Variants in KSR1 observed in about 807,000 individuals in gnomAD.
The protein encoded by KSR1 is kinase suppressor of ras.
A neutral mutation model predicts 92.9 loss-of-function variants in KSR1; 35 were observed. The observed-to-expected ratio is 0.38, with a 90% CI of 0.29 to 0.50. The LOEUF (loss-of-function observed/expected upper bound fraction) is 0.50, where lower values mean the gene tolerates loss of function less well. Ranked by LOEUF, KSR1 falls within the 20% of genes least tolerant of loss-of-function variation. The pLI is 0.94. For missense variants in KSR1, 972 were observed against 1,158.5 expected (o/e 0.84, Z 2.34); for synonymous variants, 467 against 472.6 (o/e 0.99, Z 0.15).
chr17:27,552,038 A>G (rs898736644), intron 2 of KSR1, among the ~76,000 whole-genome samples: 2 of 151,860 alleles, frequency 1.3e-5, no homozygotes, highest in African/African-American at 4.8e-5. Context: ...CTTGCTCCCC[A>G]CTTCCCTGGA....
At chr17:27,540,514 G>A (rs2070920470) in intron 1 of KSR1, among the ~76,000 whole-genome samples, 1 of 152,250 alleles carries the variant, frequency 6.6e-6, no homozygotes, top group Non-Finnish European at 1.5e-5. Flanking sequence ...GCTAGTGGGA[G>A]GCTTGGCGGG....
At chr17:27,571,800 G>A (rs540020553) in intron 2 of KSR1, among the ~76,000 whole-genome samples, 7 of 152,336 alleles carry the variant, frequency 4.6e-5, no homozygotes, top group African/African-American at 1.2e-4. Flanking sequence ...GTTTGTATAC[G>A]TGGCCGGTAC....
intron 1 of KSR1, among the ~76,000 whole-genome samples, chr17:27,531,051 A>C (rs1302897894): frequency 6.6e-6 from 1 of 152,154 alleles, no homozygotes; most frequent in Non-Finnish European, 1.5e-5. Context: ...CGGGATGGAC[A>C]AGTTTGTGCT....
At chr17:27,563,520 G>A (rs1209113228) in intron 2 of KSR1, among the ~76,000 whole-genome samples, 2 of 152,204 alleles carry the variant, frequency 1.3e-5, no homozygotes, top group Non-Finnish European at 2.9e-5. Context: ...GCCTCCCAAA[G>A]TGTGGGGATT....
intron 1 of KSR1, among the ~76,000 whole-genome samples, chr17:27,470,141 C>T (rs1390509782): frequency 1.3e-5 from 2 of 151,096 alleles, no homozygotes; most frequent in Non-Finnish European, 2.9e-5. Flanking sequence ...CTGCAGCCTG[C>T]ACCTTCCAGA....
Position 27,621,222 on chromosome 17 carries a change from G to A in KSR1, c.2657G>A (p.Gly886Glu), listed in dbSNP as rs1023809702. Residue 886 changes from glycine (G) to glutamate (E), a missense_variant, in exon 20 of 21, where the codon GGA becomes GAA. Around this residue, in one of 5 missense-constraint regions of KSR1, gnomAD observed 46 missense variants for 39.0 expected, o/e 1.18. Coordinates refer to ENST00000644974, the MANE Select transcript of KSR1 (RefSeq NM_001394583.1). ...TGGAGGAGCCGCTACTATGGAAAAG[G>A]ACGCTACGGCCACCCTGACTTTAAG... The part of the protein sequence containing the change: ...DRWRSRYYGK[G>E]RYGHPDFKSS... 2.0e-5 allele frequency: 8 copies of A among 398,574 alleles called. No homozygotes were observed. The highest frequency in any genetic ancestry group is 3.5e-5 in the Non-Finnish European group (8 of 226,126). The allele number at this position is 398,574 out of a possible 1,614,324, so 24.7% of individuals were successfully genotyped here.
At chr17:27,527,652 C>T (rs534500163) in intron 1 of KSR1, among the ~76,000 whole-genome samples, 5 of 152,114 alleles carry the variant, frequency 3.3e-5, no homozygotes, top group Non-Finnish European at 7.4e-5. Context: ...ACCTTGGCCT[C>T]GCAAAGTGCT....
At position 27,623,711 on chromosome 17, in the gene KSR1, G is replaced by A. The variant is rs192538459; in HGVS notation, c.*319G>A. On this transcript the variant is annotated 3_prime_UTR_variant, in exon 21 of 21. Transcript: ENST00000644974. ...CTGTGCAGATGCACTGGCACTGACG[G>A]CCAGGATGGCGGAAATGGCCATCCC... is the stretch of plus-strand genomic sequence containing the variant. 48 of 567,592 alleles carry A rather than the reference G, an allele frequency of 8.5e-5. No homozygotes were observed. The highest frequency in any genetic ancestry group is 9.1e-4 in the Middle Eastern group (2 of 2,196). The allele number at this position is 567,592 out of a possible 1,614,324, so 35.2% of individuals were successfully genotyped here. A position where few individuals can be genotyped will look rare whatever the true frequency, so the allele number is the denominator to read the frequency against.
chr17:27,471,204 G>C (rs2019981461), intron 1 of KSR1, among the ~76,000 whole-genome samples: 2 of 152,160 alleles, frequency 1.3e-5, no homozygotes, highest in Admixed American at 1.3e-4. Flanking sequence ...CTCAATATCA[G>C]GTTTGTTTTA....
chr17:27,594,841 G>A (rs1182431024), intron 9 of KSR1, among the ~76,000 whole-genome samples: 1 of 152,000 alleles, frequency 6.6e-6, no homozygotes, highest in Non-Finnish European at 1.5e-5. Flanking sequence ...AAAATAGGCA[G>A]TCAGGAAACC....
At chr17:27,592,649 G>A (rs1159136651) in intron 9 of KSR1, 23 bp downstream of exon 9, 7 of 1,596,414 alleles carry the variant, frequency 4.4e-6, no homozygotes, top group Middle Eastern at 1.8e-4. Flanking sequence ...ATGCTGGGGA[G>A]GACGCCCTTC....
chr17:27,564,511 G>A (rs1188914018), intron 2 of KSR1, among the ~76,000 whole-genome samples: 7 of 152,226 alleles, frequency 4.6e-5, no homozygotes, highest in African/African-American at 1.4e-4. Flanking sequence ...AGGGGCTCAG[G>A]TGATGCCATT....
chr17:27,621,841 T>C lies in KSR1; in HGVS notation c.2708+568T>C, dbSNP rs979445258. 4.4e-6 allele frequency: 6 copies of C among 1,356,076 alleles called. No homozygotes were observed. The African/African-American group carries it at 7.2e-5, about 16-fold the overall frequency. 84.0% of individuals were successfully genotyped at this position (1,356,076 alleles called of 1,614,324 possible). A position where few individuals can be genotyped will look rare whatever the true frequency, so the allele number is the denominator to read the frequency against. On this transcript the variant is annotated intron_variant, in intron 20 of 20. Coordinates refer to ENST00000644974, the MANE Select transcript of KSR1 (RefSeq NM_001394583.1). The stretch of plus-strand genomic sequence containing the variant: ...GAAAGGGAGTCCCCTGCCCAGCTGC[T>C]CTGGCCAGACCTCTAGCTCCCGACA...
intron 1 of KSR1, among the ~76,000 whole-genome samples, chr17:27,507,588 T>C (rs1276284774): frequency 8.3e-6 from 1 of 120,556 alleles, no homozygotes; most frequent in Non-Finnish European, 1.7e-5. Flanking sequence ...TTTTTTTTTT[T>C]TTTTTGAGAC....
At chr17:27,461,873 T>TGTC (rs918542318) in intron 1 of KSR1, among the ~76,000 whole-genome samples, 2 of 152,232 alleles carry the variant, frequency 1.3e-5, no homozygotes, top group Non-Finnish European at 2.9e-5. Context: ...CCGCTGGGTG[T>TGTC]GTCTGGAGAT....
chr17:27,611,427 A>C (rs2073912950), intron 17 of KSR1, 67 bp from the exon 18 acceptor site: 1 of 1,604,920 alleles, frequency 6.2e-7, no homozygotes. Context: ...GCTATGGCTC[A>C]AGGGCCCCTG....
At chr17:27,491,549 C>A (rs2068832382) in intron 1 of KSR1, among the ~76,000 whole-genome samples, 1 of 152,034 alleles carries the variant, frequency 6.6e-6, no homozygotes, top group Non-Finnish European at 1.5e-5. Flanking sequence ...AGACCAAACT[C>A]CTAATAGTAC....
intron 1 of KSR1, among the ~76,000 whole-genome samples, chr17:27,491,410 G>T (rs1020631153): frequency 6.6e-6 from 1 of 151,520 alleles, no homozygotes; most frequent in Non-Finnish European, 1.5e-5. Flanking sequence ...GGCTGGTCTT[G>T]AACTCCTGAC....
intron 1 of KSR1, among the ~76,000 whole-genome samples, chr17:27,537,898 A>G (rs1490101571): frequency 6.6e-6 from 1 of 152,184 alleles, no homozygotes. Context: ...ACAACAATAA[A>G]ACTTCTAGAA....
Sources: gnomAD v4.1 joint callset for allele counts (sites outside exome capture counted in the v4.1 genomes callset) on GRCh38, gnomAD v4.1.1 for gene constraint, gnomAD v4.1.1 regional missense constraint, MANE v1.5 for transcripts, NCBI Gene and HGNC (gene_info 2026-07-23, HGNC 2026-07-21) for gene names.